KCNN2: variants seen among roughly 807,000 people sequenced by gnomAD.
KCNN2 encodes small conductance calcium-activated potassium channel protein 2.
KCNN2 carries 24 observed loss-of-function variants against 55.5 expected under a neutral mutation model. The ratio of observed to expected loss-of-function variants is 0.43; its 90% CI spans 0.31 to 0.61. KCNN2 has a LOEUF of 0.61. Ranked by LOEUF, KCNN2 falls within the 20% of genes least tolerant of loss-of-function variation. The pLI is 0.08. For synonymous variants in KCNN2, 431 were observed against 336.1 expected, an observed-to-expected ratio of 1.28 and a Z score of -3.09; for missense variants, 754 against 853.6, an observed-to-expected ratio of 0.88 and a Z score of 1.45.
chr5:114,062,099 T>C (rs1409898426), intron 1 of KCNN2, among the ~76,000 whole-genome samples: 1 of 148,168 alleles, frequency 6.7e-6, no homozygotes, highest in Non-Finnish European at 1.5e-5. Flanking sequence ...ATATATGGGT[T>C]CTTTTTTTTT....
chr5:114,139,468 AC>A (rs1410172542), intron 1 of KCNN2, among the ~76,000 whole-genome samples: 2 of 143,980 alleles, frequency 1.4e-5, no homozygotes, highest in African/African-American at 2.6e-5. Context: ...CACCCCCCCC[AC>A]ACACACACAC....
intron 1 of KCNN2, among the ~76,000 whole-genome samples, chr5:114,108,557 C>G (rs948629606): frequency 1.3e-5 from 2 of 152,056 alleles, no homozygotes; most frequent in African/African-American, 4.8e-5. Context: ...TGACTTCTTT[C>G]ACAGATTACA....
At chr5:114,073,169 G>C (rs1020429815) in intron 1 of KCNN2, among the ~76,000 whole-genome samples, 8 of 152,126 alleles carry the variant, frequency 5.3e-5, no homozygotes, top group African/African-American at 1.9e-4. Context: ...TGTGTCCTGG[G>C]TGACATTGGT....
intron 7 of KCNN2, among the ~76,000 whole-genome samples, chr5:114,494,584 T>C (rs1748022094): frequency 6.6e-6 from 1 of 151,968 alleles, no homozygotes; most frequent in South Asian, 2.1e-4. Flanking sequence ...TTAAATGATT[T>C]TTAATGGGTA....
intron 2 of KCNN2, among the ~76,000 whole-genome samples, chr5:114,391,467 G>A (rs1758450693): frequency 1.3e-5 from 2 of 152,074 alleles, no homozygotes; most frequent in African/African-American, 4.8e-5. Context: ...GGTCAAGCCA[G>A]AAATTAAATC....
chr5:114,168,455 A>C (rs1183563277), intron 1 of KCNN2, among the ~76,000 whole-genome samples: 1 of 152,142 alleles, frequency 6.6e-6, no homozygotes, highest in Non-Finnish European at 1.5e-5. Context: ...TTTGTCCTTG[A>C]CAAATCATAA....
intron 2 of KCNN2, among the ~76,000 whole-genome samples, chr5:114,322,919 C>G (rs1756639144): frequency 6.6e-6 from 1 of 152,140 alleles, no homozygotes; most frequent in African/African-American, 2.4e-5. Flanking sequence ...GTATTAAGCC[C>G]AATACCCAAT....
rs1450316156 is a variant in KCNN2, at chr5:114,141,922, A to T, written c.-270-79558A>T. ...TTTCATGTGTCTGTTGGCTGCATAG[A>T]TGTCTTCTTTTGAGAAGTGTCTGTT... is the stretch of plus-strand genomic sequence containing the variant. On this transcript the variant is annotated intron_variant, in intron 1 of 10. Coordinates refer to the KCNN2 transcript ENST00000512097. Among the ~76,000 whole-genome samples, 4 of 152,252 alleles carry T rather than the reference A, an allele frequency of 2.6e-5. No homozygotes were observed. In the East Asian group the frequency reaches 7.7e-4, roughly 29 times the overall value.
At chr5:114,437,219 A>G (rs181395777) in intron 3 of KCNN2, among the ~76,000 whole-genome samples, 19 of 152,294 alleles carry the variant, frequency 1.2e-4, no homozygotes, top group African/African-American at 4.3e-4. Flanking sequence ...AAAACATAGT[A>G]AATTTGGTAC....
At chr5:114,495,852 C>G (rs1748089908) in intron 7 of KCNN2, 43 bp from the exon 8 acceptor site, 2 of 1,571,736 alleles carry the variant, frequency 1.3e-6, no homozygotes, top group African/African-American at 2.7e-5. Context: ...AGTTTGTGTT[C>G]AGGGCAAGTA....
In KCNN2 at chr5:114,236,693, TTTTC is replaced by T. The variant is rs372451171; in HGVS notation, c.-185+15134_-185+15137del. Among the ~76,000 whole-genome samples the T allele has an allele frequency of 2.5e-4, 38 of 152,272 alleles. No individual in the cohort carries two copies. The South Asian group carries it at 5.6e-3, about 22-fold the overall frequency. On this transcript the variant is annotated intron_variant, in intron 2 of 10. Transcript: ENST00000512097. Reference sequence around the variant, plus strand: ...ACTCCTGTGTTTATCATTAATGTGTTTTTCTTTCTATTTGTGTAATATATATTCA... The same window carrying T: ...ACTCCTGTGTTTATCATTAATGTGTTTTTCTATTTGTGTAATATATATTCA...
intron 2 of KCNN2, among the ~76,000 whole-genome samples, chr5:114,293,968 G>T (rs1445759781): frequency 6.6e-6 from 1 of 152,170 alleles, no homozygotes; most frequent in Non-Finnish European, 1.5e-5. Flanking sequence ...AGATTTTCTA[G>T]TTTATTTGCG....
At chr5:114,092,736 G>A (rs1171731653) in intron 1 of KCNN2, among the ~76,000 whole-genome samples, 2 of 152,192 alleles carry the variant, frequency 1.3e-5, no homozygotes, top group Non-Finnish European at 2.9e-5. Flanking sequence ...CCACTTGTAA[G>A]CCACCAAGGC....
chr5:114,118,142 A>G (rs893453838), intron 1 of KCNN2, among the ~76,000 whole-genome samples: 2 of 152,214 alleles, frequency 1.3e-5, no homozygotes, highest in Non-Finnish European at 2.9e-5. Context: ...TTACCTTTAC[A>G]GCATTTCCCT....
At chr5:114,139,546 A>G (rs1460997555) in intron 1 of KCNN2, among the ~76,000 whole-genome samples, 1 of 150,182 alleles carries the variant, frequency 6.7e-6, no homozygotes, top group African/African-American at 2.4e-5. Context: ...AGGTTATTAT[A>G]GTGGCTGAAT....
chr5:114,239,365 G>A (rs1377196673), intron 2 of KCNN2, among the ~76,000 whole-genome samples: 1 of 152,160 alleles, frequency 6.6e-6, no homozygotes, highest in African/African-American at 2.4e-5. Flanking sequence ...AGAGGACAGA[G>A]AGGAGATGCT....
At position 114,451,358 on chromosome 5, in the gene KCNN2, G is replaced by A. The variant is rs113584724; in HGVS notation, c.1638-11691G>A. 3.2e-3 allele frequency among the ~76,000 whole-genome samples: 492 copies of A among 152,234 alleles called. 2 individuals are homozygous for A. The highest frequency in any genetic ancestry group is 0.01 in the South Asian group (50 of 4,822). On this transcript the variant is annotated intron_variant, in intron 3 of 7. Transcript: ENST00000673685. ...AAAGTAAGTTGTCTATATCCCAAGT[G>A]TGAATGAAACTGTCATTAGCCAAGG...
At chr5:114,268,080 G>T (rs1201131896) in intron 2 of KCNN2, among the ~76,000 whole-genome samples, 1 of 152,118 alleles carries the variant, frequency 6.6e-6, no homozygotes, top group African/African-American at 2.4e-5. Context: ...CGCGTCATTT[G>T]CTGCCCAAAT....
intron 7 of KCNN2, among the ~76,000 whole-genome samples, chr5:114,494,812 G>C (rs1051908036): frequency 1.3e-5 from 2 of 152,114 alleles, no homozygotes; most frequent in African/African-American, 2.4e-5. Flanking sequence ...TATGCACTCT[G>C]TCTCTGGTCA....
Sources: gnomAD v4.1 joint callset for allele counts (sites outside exome capture counted in the v4.1 genomes callset) on GRCh38, gnomAD v4.1.1 for gene constraint, MANE v1.5 for transcripts, NCBI Gene and HGNC (gene_info 2026-07-23, HGNC 2026-07-21) for gene names.